The following C16orf78 variants were observed in gnomAD, a reference collection of about 807,000 sequenced individuals.
C16orf78 encodes uncharacterized protein C16orf78.
In C16orf78, 19 loss-of-function variants were observed where a neutral mutation model predicts 27.3. The ratio of observed to expected loss-of-function variants is 0.70; its 90% CI spans 0.49 to 1.02. The LOEUF (loss-of-function observed/expected upper bound fraction) is 1.02. C16orf78 is among the 50% of genes least tolerant of loss of function. The pLI is 0.00. For synonymous variants in C16orf78, 130 were observed against 116.1 expected, an observed-to-expected ratio of 1.12 and a Z score of -0.77; for missense variants, 339 against 337.0, an observed-to-expected ratio of 1.01 and a Z score of -0.05.
At chr16:49,377,026 T>A (rs1476131493) in intron 1 of C16orf78, among the ~76,000 whole-genome samples, 1 of 152,178 alleles carries the variant, frequency 6.6e-6, no homozygotes, top group Non-Finnish European at 1.5e-5. Context: ...GCTTCCTGGG[T>A]GGCCCACCCT....
At chr16:49,390,977 G>A (rs111927040) in intron 3 of C16orf78, among the ~76,000 whole-genome samples, 83 of 152,222 alleles carry the variant, frequency 5.5e-4, no homozygotes, top group African/African-American at 1.9e-3. Flanking sequence ...TGTGTTGTCC[G>A]ATGTCTTAAA....
At position 49,374,034 on chromosome 16, in the gene C16orf78, C is replaced by T; in HGVS notation, c.95C>T (p.Thr32Ile). The T allele has an allele frequency of 1.2e-6, 2 of 1,614,168 alleles. No homozygotes were observed. Among genetic ancestry groups the T allele is most frequent in the Middle Eastern group, 1.6e-4 (1 of 6,062 alleles). The change falls in exon 1 of 5, where the codon ACC (threonine) becomes ATC (isoleucine). Residue 32 changes from threonine (T) to isoleucine (I), a missense_variant. Thr to Ile is a moderately conservative substitution (Grantham distance 89, BLOSUM62 -1). Transcript: ENST00000299191. The part of the protein sequence containing the change: ...TAEDRRMSDL[T>I]CVLEWLERRQ... ...GAAGATAGGCGCATGTCTGACCTCACCTGTGTGCTGGAGTGGCTGGAGCGG... is the reference window on the plus strand; with the variant it reads ...GAAGATAGGCGCATGTCTGACCTCATCTGTGTGCTGGAGTGGCTGGAGCGG...
chr16:49,384,303 G>A (rs1965319589), intron 3 of C16orf78, among the ~76,000 whole-genome samples: 2 of 144,714 alleles, frequency 1.4e-5, no homozygotes, highest in African/African-American at 2.6e-5. Flanking sequence ...AGCCGAGATA[G>A]TGCCATTGCA....
At chr16:49,388,869 C>G (rs1965379505) in intron 3 of C16orf78, among the ~76,000 whole-genome samples, 1 of 152,098 alleles carries the variant, frequency 6.6e-6, no homozygotes, top group African/African-American at 2.4e-5. Flanking sequence ...TTGCACTGCA[C>G]AAAACACATC....
chr16:49,399,151 A>G lies in C16orf78; in HGVS notation c.671A>G (p.Glu224Gly). ...LSCRYLRLSK[E>G]NIRTLLKLCK... ...AACAGATACCTGAGGTTATCCAAGG[A>G]GAACATTCGGACCTTGCTCAAGTTG... The change falls in exon 5 of 5, where the codon GAG becomes GGG. Residue 224 changes from glutamate (E) to glycine (G), a missense_variant. Transcript: ENST00000299191. 1 of 1,614,154 alleles carries G rather than the reference A, an allele frequency of 6.2e-7. No homozygotes were observed. The highest frequency in any genetic ancestry group is 1.7e-5 in the Admixed American group (1 of 60,022).
chr16:49,378,674 A>G (rs1965252178), intron 3 of C16orf78, 81 bp downstream of exon 3: 3 of 1,584,028 alleles, frequency 1.9e-6, no homozygotes, highest in South Asian at 2.3e-5. Flanking sequence ...AGCTCACGCC[A>G]TTCTTAGAGC....
At chr16:49,387,810 A>G (rs527359968) in intron 3 of C16orf78, among the ~76,000 whole-genome samples, 22 of 152,192 alleles carry the variant, frequency 1.4e-4, no homozygotes, top group South Asian at 4.2e-4. Flanking sequence ...GTGTCCAGTA[A>G]TTTATCCATT....
intron 3 of C16orf78, 26 bp downstream of exon 3, chr16:49,378,619 C>G (rs1316191240): frequency 3.1e-6 from 5 of 1,609,256 alleles, no homozygotes; most frequent in Non-Finnish European, 4.3e-6. Flanking sequence ...TGGCCCCGGC[C>G]ACCAGAATCC....
At chr16:49,377,636 A>G (rs1965235661) in intron 1 of C16orf78, 95 bp from the exon 2 acceptor site, 5 of 1,453,930 alleles carry the variant, frequency 3.4e-6, no homozygotes, top group Non-Finnish European at 9.3e-7. Context: ...GAGGGGAGGG[A>G]CAGCCCCTCA....
At chr16:49,396,819 C>A in intron 4 of C16orf78, 141 bp downstream of exon 4, 1 of 1,169,548 alleles carries the variant, frequency 8.6e-7, no homozygotes, top group Non-Finnish European at 1.2e-6. Context: ...GCCCTTTGGT[C>A]CCAAAGGACT....
chr16:49,376,258 T>G (rs1040388816), intron 1 of C16orf78, among the ~76,000 whole-genome samples: 1 of 152,188 alleles, frequency 6.6e-6, no homozygotes, highest in South Asian at 2.1e-4. Flanking sequence ...ATTTCCCCCT[T>G]GTGATCCATT....
At chr16:49,378,620 A>G (rs27813) in intron 3 of C16orf78, 27 bp downstream of exon 3, 1,028,769 of 1,610,218 alleles carry the variant, frequency 0.64, 330,675 homozygotes, top group African/African-American at 0.78. Flanking sequence ...GGCCCCGGCC[A>G]CCAGAATCCT....
At chr16:49,378,106 A>G (rs1965243210) in intron 2 of C16orf78, among the ~76,000 whole-genome samples, 1 of 152,024 alleles carries the variant, frequency 6.6e-6, no homozygotes, top group Admixed American at 6.6e-5. Flanking sequence ...TATCCCTGAA[A>G]CCATTCAAGA....
intron 2 of C16orf78, 92 bp downstream of exon 2, chr16:49,377,942 T>C: frequency 4.1e-6 from 6 of 1,471,244 alleles, no homozygotes; most frequent in Non-Finnish European, 5.4e-6. Context: ...CCTGCCTACT[T>C]TCTAAATTTC....
chr16:49,396,748 G>A, intron 4 of C16orf78, 70 bp downstream of exon 4: 1 of 1,538,576 alleles, frequency 6.5e-7, no homozygotes, highest in Admixed American at 1.9e-5. Flanking sequence ...CTTGTCCCTG[G>A]CTCAAACACC....
chr16:49,377,758 C>G lies in C16orf78; in HGVS notation c.178C>G (p.Leu60Val). Residue 60 changes from leucine (L) to valine (V), a missense_variant, in exon 2 of 5, where the codon CTT (leucine) becomes GTT (valine). Coordinates refer to ENST00000299191, the MANE Select transcript of C16orf78 (RefSeq NM_144602.4). ...GCAAAAGCCCAAAGTGGTGACAGTC[C>G]TTAAACGAAATAAGAAGAAGGAAGA... is the stretch of plus-strand genomic sequence containing the variant. The part of the protein sequence containing the change: ...EKQKPKVVTV[L>V]KRNKKKEEKK... The G allele has an allele frequency of 6.2e-7, 1 of 1,602,858 alleles. No homozygotes were observed. The highest frequency in any genetic ancestry group is 1.3e-5 in the African/African-American group (1 of 74,904).
chr16:49,397,289 G>A (rs1408519979), intron 4 of C16orf78, among the ~76,000 whole-genome samples: 1 of 152,120 alleles, frequency 6.6e-6, no homozygotes, highest in Non-Finnish European at 1.5e-5. Context: ...TTCCTTTACT[G>A]TAAAGTTGTA....
chr16:49,399,407 A>G lies in C16orf78; in HGVS notation c.*129A>G. On this transcript the variant is annotated 3_prime_UTR_variant, in exon 5 of 5. Transcript: ENST00000299191. ...ATCCCTTTAGAAAGTAAGCAATCAG[A>G]AAACAAGCCTCGGCTGTGTGATCAT... The G allele has an allele frequency of 1.3e-5, 15 of 1,136,188 alleles. No individual in the cohort carries two copies. In the South Asian group the frequency reaches 2.2e-4, roughly 17 times the overall value. 70.4% of individuals were successfully genotyped at this position (1,136,188 alleles called of 1,614,324 possible).
At chr16:49,396,736 C>G in intron 4 of C16orf78, 58 bp downstream of exon 4, 1 of 1,561,436 alleles carries the variant, frequency 6.4e-7, no homozygotes, top group Non-Finnish European at 8.6e-7. Context: ...GCTTTGCTCA[C>G]TCTTGTCCCT....
Sources: gnomAD v4.1 joint callset for allele counts (sites outside exome capture counted in the v4.1 genomes callset) on GRCh38, gnomAD v4.1.1 for gene constraint, MANE v1.5 for transcripts, NCBI Gene and HGNC (gene_info 2026-07-23, HGNC 2026-07-21) for gene names.